The following SMIM14 variants were observed in gnomAD, a reference collection of about 807,000 sequenced individuals.
The protein encoded by SMIM14 is small integral membrane protein 14.
SMIM14 carries 5 observed loss-of-function variants against 12.6 expected under a neutral mutation model. The observed-to-expected ratio is 0.40, with a 90% CI of 0.21 to 0.83. The LOEUF is 0.83. Ranked by LOEUF, SMIM14 falls within the 40% of genes least tolerant of loss-of-function variation. The pLI, the probability that SMIM14 is intolerant of heterozygous loss-of-function variation, is 0.37. For missense variants in SMIM14, 86 were observed against 119.1 expected (o/e 0.72, Z 1.29); for synonymous variants, 30 against 40.1 (o/e 0.75, Z 0.95).
At chr4:39,552,829 G>A (rs752763167) in intron 4 of SMIM14, among the ~76,000 whole-genome samples, 12 of 152,154 alleles carry the variant, frequency 7.9e-5, no homozygotes, top group Non-Finnish European at 1.6e-4. Flanking sequence ...GAAAGCAAGT[G>A]AACTGTAAAG....
intron 3 of SMIM14, among the ~76,000 whole-genome samples, chr4:39,560,603 G>A (rs1479968076): frequency 4.7e-5 from 7 of 148,452 alleles, no homozygotes; most frequent in East Asian, 4.3e-4. Flanking sequence ...CTGAGATCGC[G>A]CCACTGCACT....
At position 39,603,889 on chromosome 4, in the gene SMIM14, C is replaced by G. The variant is rs1008766447; in HGVS notation, c.75+1182G>C. Among the ~76,000 whole-genome samples the G allele has an allele frequency of 9.9e-5, 15 of 151,502 alleles. 1 individual carries two copies. The highest frequency in any genetic ancestry group is 1.3e-4 in the Admixed American group (2 of 15,182). ...AGCTGGGCATGGTGGTGCGCACCTG[C>G]AATCCCAGCTACTTGCAAAGTTGAG... On this transcript the variant is annotated intron_variant, in intron 2 of 4. Coordinates refer to ENST00000295958, the MANE Select transcript of SMIM14 (RefSeq NM_174921.3).
At chr4:39,606,898 T>TA (rs1222597305) in intron 1 of SMIM14, among the ~76,000 whole-genome samples, 4 of 152,122 alleles carry the variant, frequency 2.6e-5, no homozygotes, top group Non-Finnish European at 5.9e-5. Flanking sequence ...CTGGTAGAGA[T>TA]AAAAACAATA....
At chr4:39,612,728 G>A (rs1458106271) in intron 1 of SMIM14, among the ~76,000 whole-genome samples, 2 of 152,176 alleles carry the variant, frequency 1.3e-5, no homozygotes, top group African/African-American at 2.4e-5. Flanking sequence ...AGCTTCCCCA[G>A]TAGCTGGGAC....
rs145556137 is a variant in SMIM14 at position 39,547,044 on chromosome 4, G to A, written c.*5082C>T. 25 of 152,310 alleles carry A rather than the reference G, an allele frequency of 1.6e-4. 1 individual carries two copies. The highest frequency in any genetic ancestry group is 5.8e-4 in the African/African-American group (24 of 41,570). The allele number at this position is 152,310 out of a possible 1,614,324, so 9.4% of individuals were successfully genotyped here. A position where few individuals can be genotyped will look rare whatever the true frequency, so the allele number is the denominator to read the frequency against. ...TTTTACCTGGTATTCTAGGAAGAGA[G>A]AGAGAAAGAAAATAACCAAAGAAAT... On this transcript the variant is annotated 3_prime_UTR_variant, in exon 5 of 5. Coordinates refer to ENST00000295958, the MANE Select transcript of SMIM14 (RefSeq NM_174921.3).
At chr4:39,611,067 A>T (rs1715013632) in intron 1 of SMIM14, among the ~76,000 whole-genome samples, 1 of 152,238 alleles carries the variant, frequency 6.6e-6, no homozygotes. Context: ...ATTTACAGAG[A>T]ACTCTGAAAA....
rs570954605 is a variant in SMIM14 at position 39,567,733 on chromosome 4, G to A, written c.124+4682C>T. On this transcript the variant is annotated intron_variant, in intron 3 of 4. Transcript: ENST00000295958. Reference sequence around the variant, plus strand: ...GCTTGGGCAACAAGAGCAAGACTCCGTCTCAAAAGAAAGGAAAAAAAAAAT... The same window carrying A: ...GCTTGGGCAACAAGAGCAAGACTCCATCTCAAAAGAAAGGAAAAAAAAAAT... 5.3e-5 allele frequency among the ~76,000 whole-genome samples: 8 copies of A among 151,220 alleles called. No individual in the cohort carries two copies. The East Asian group carries it at 5.9e-4, about 11-fold the overall frequency.
chr4:39,579,861 A>G (rs1713409165), intron 2 of SMIM14, among the ~76,000 whole-genome samples: 1 of 140,584 alleles, frequency 7.1e-6, no homozygotes, highest in African/African-American at 2.6e-5. Flanking sequence ...AAAAAAAAGA[A>G]AGAAAGCCTT....
chr4:39,566,167 G>C (rs1468763591), intron 3 of SMIM14, among the ~76,000 whole-genome samples: 2 of 151,082 alleles, frequency 1.3e-5, no homozygotes, highest in Non-Finnish European at 2.9e-5. Context: ...GGGATAGTGA[G>C]AAGTGGTAGA....
rs182262223 is a variant in SMIM14, at chr4:39,598,549, C to T, written c.75+6522G>A. Among the ~76,000 whole-genome samples, 15 of 151,550 alleles carry T rather than the reference C, an allele frequency of 9.9e-5. No homozygotes were observed. The East Asian group carries it at 2.9e-3, about 30-fold the overall frequency. On this transcript the variant is annotated intron_variant, in intron 2 of 4. Coordinates refer to ENST00000295958, the MANE Select transcript of SMIM14 (RefSeq NM_174921.3). The stretch of plus-strand genomic sequence containing the variant: ...CTTCTCCTCCCTGACCCCGTGTATA[C>T]TCTTTCCATCCCCTAATAATGGTTG...
intron 2 of SMIM14, among the ~76,000 whole-genome samples, chr4:39,599,250 C>T (rs893089328): frequency 6.6e-6 from 1 of 151,936 alleles, no homozygotes; most frequent in African/African-American, 2.4e-5. Context: ...AGCAAGGGGG[C>T]CAGAATTGTT....
chr4:39,616,275 A>G (rs1443820565), intron 1 of SMIM14, among the ~76,000 whole-genome samples: 1 of 152,160 alleles, frequency 6.6e-6, no homozygotes, highest in Non-Finnish European at 1.5e-5. Context: ...AATTGGGAAC[A>G]CAGGCGTGTG....
rs953722556 is a variant in SMIM14, at chr4:39,623,505, T to C, written c.-36+15234A>G. ...TAAAGAATATGATTTATAATAAAAT[T>C]ACTTTTCACATAGCCAGCCAAATCT... On this transcript the variant is annotated intron_variant, in intron 1 of 4. Transcript: ENST00000295958. Among the ~76,000 whole-genome samples the C allele has an allele frequency of 2.0e-5, 3 of 152,214 alleles. No homozygotes were observed. The East Asian group carries it at 5.8e-4, about 29-fold the overall frequency.
At chr4:39,620,519 G>A (rs1374841892) in intron 1 of SMIM14, among the ~76,000 whole-genome samples, 3 of 151,990 alleles carry the variant, frequency 2.0e-5, no homozygotes, top group Admixed American at 6.6e-5. Flanking sequence ...TTTTTTTGTA[G>A]AGACAGAGGT....
intron 2 of SMIM14, among the ~76,000 whole-genome samples, chr4:39,576,674 A>G (rs1578325638): frequency 7.1e-5 from 2 of 28,216 alleles, no homozygotes; most frequent in Admixed American, 1.2e-3. Flanking sequence ...ATATATATAT[A>G]TATATATATA....
At chr4:39,636,177 A>C (rs1192005699) in intron 1 of SMIM14, among the ~76,000 whole-genome samples, 32 of 46,510 alleles carry the variant, frequency 6.9e-4, no homozygotes, top group African/African-American at 1.8e-3. Flanking sequence ...ATCTCCCAAA[A>C]AAAAAAAAAA....
intron 3 of SMIM14, among the ~76,000 whole-genome samples, chr4:39,564,733 A>G (rs1712487344): frequency 6.6e-6 from 1 of 152,200 alleles, no homozygotes; most frequent in African/African-American, 2.4e-5. Flanking sequence ...CTCACTAAGA[A>G]GGCACTCTGG....
At chr4:39,628,132 C>T (rs1413834596) in intron 1 of SMIM14, among the ~76,000 whole-genome samples, 2 of 151,660 alleles carry the variant, frequency 1.3e-5, no homozygotes, top group Non-Finnish European at 2.9e-5. Context: ...CATGGTGAAA[C>T]GCCGCCTCGA....
intron 1 of SMIM14, among the ~76,000 whole-genome samples, chr4:39,609,811 A>G (rs543542521): frequency 6.6e-6 from 1 of 152,242 alleles, no homozygotes; most frequent in Non-Finnish European, 1.5e-5. Flanking sequence ...CAGTAGGTAG[A>G]GGGAACCTAG....
Sources: allele counts gnomAD v4.1 joint callset (sites outside exome capture counted in the v4.1 genomes callset), GRCh38; gene constraint gnomAD v4.1.1; transcripts MANE v1.5; gene names NCBI Gene and HGNC (gene_info 2026-07-23, HGNC 2026-07-21).